COL25A1: variants seen among roughly 807,000 people sequenced by gnomAD.
The protein encoded by COL25A1 is collagen type XXV alpha 1 chain.
In COL25A1, 103 loss-of-function variants were observed where a neutral mutation model predicts 128.4. The ratio of observed to expected loss-of-function variants is 0.80; its 90% CI spans 0.68 to 0.94. The LOEUF is 0.94. COL25A1 is among the 40% of genes least tolerant of loss of function. The probability of loss-of-function intolerance (pLI) is 0.00; values close to 1 mark genes in which losing one functional copy is unlikely to be tolerated. For synonymous variants in COL25A1, 279 were observed against 277.2 expected (o/e 1.01, Z -0.06); for missense variants, 745 against 840.0 (o/e 0.89, Z 1.40).
intron 5 of COL25A1, among the ~76,000 whole-genome samples, chr4:109,019,375 C>CACATATAT (rs1338511772): frequency 1.0e-4 from 5 of 48,882 alleles, no homozygotes; most frequent in Admixed American, 4.6e-4. Flanking sequence ...CACACACACA[C>CACATATAT]ATATATATAT....
intron 35 of COL25A1, 67 bp from the exon 36 acceptor site, chr4:108,819,396 A>G: frequency 3.9e-6 from 5 of 1,286,752 alleles, no homozygotes; most frequent in Admixed American, 1.9e-5. Flanking sequence ...ATTCTGCGAA[A>G]GAAGTAACTA....
chr4:108,827,041 A>G, intron 33 of COL25A1, 94 bp downstream of exon 33: 3 of 1,045,952 alleles, frequency 2.9e-6, no homozygotes, highest in Non-Finnish European at 1.5e-6. Flanking sequence ...CTTCTCTAAC[A>G]TTAGTCTGCC....
intron 3 of COL25A1, among the ~76,000 whole-genome samples, chr4:109,182,197 T>C (rs976806084): frequency 6.6e-6 from 1 of 152,132 alleles, no homozygotes; most frequent in African/African-American, 2.4e-5. Context: ...TGATTTTCTT[T>C]CCTTTGGTGT....
chr4:109,253,282 G>A (rs1780786316), intron 3 of COL25A1, among the ~76,000 whole-genome samples: 1 of 152,166 alleles, frequency 6.6e-6, no homozygotes, highest in Non-Finnish European at 1.5e-5. Context: ...AAGATCTTCA[G>A]CCAGCAAGGT....
intron 5 of COL25A1, among the ~76,000 whole-genome samples, chr4:109,044,445 G>A (rs1760227231): frequency 6.6e-6 from 1 of 150,654 alleles, no homozygotes; most frequent in African/African-American, 2.4e-5. Flanking sequence ...TTATCCCCTG[G>A]GCCATCTAAT....
At chr4:108,836,795 C>T (rs150429330) in intron 31 of COL25A1, among the ~76,000 whole-genome samples, 185 of 152,120 alleles carry the variant, frequency 1.2e-3, no homozygotes, top group African/African-American at 4.3e-3. Context: ...AACCTATATT[C>T]TAGGCTGGGC....
chr4:109,249,579 G>T (rs1373127916), intron 3 of COL25A1, among the ~76,000 whole-genome samples: 1 of 151,452 alleles, frequency 6.6e-6, no homozygotes, highest in Admixed American at 6.5e-5. Context: ...CAATAAGACC[G>T]AACATAGCAC....
chr4:109,048,209 G>A (rs1760633670), intron 4 of COL25A1, 34 bp from the exon 5 acceptor site: 1 of 1,601,042 alleles, frequency 6.2e-7, no homozygotes, highest in Non-Finnish European at 8.6e-7. Context: ...AGAAGAGAGA[G>A]AGAGGAGTTA....
intron 3 of COL25A1, among the ~76,000 whole-genome samples, chr4:109,057,371 G>A (rs946325008): frequency 7.1e-6 from 1 of 141,358 alleles, no homozygotes; most frequent in Admixed American, 7.3e-5. Flanking sequence ...GAGTCCAAGC[G>A]ATTCTCCTAC....
chr4:108,870,082 C>T (rs1414114520), intron 19 of COL25A1, among the ~76,000 whole-genome samples: 3 of 151,856 alleles, frequency 2.0e-5, no homozygotes, highest in Non-Finnish European at 4.4e-5. Context: ...GGGAGACCCC[C>T]GTTCTGTACA....
At chr4:108,924,536 C>T (rs1022600798) in intron 11 of COL25A1, among the ~76,000 whole-genome samples, 1 of 152,122 alleles carries the variant, frequency 6.6e-6, no homozygotes, top group Admixed American at 6.6e-5. Flanking sequence ...TACTTCAGTC[C>T]ATCAGATACT....
chr4:109,271,792 T>C (rs180911583), intron 3 of COL25A1, among the ~76,000 whole-genome samples: 1 of 152,300 alleles, frequency 6.6e-6, no homozygotes, highest in East Asian at 1.9e-4. Context: ...AGGAAAAAAG[T>C]GTATAATTTT....
chr4:108,819,404 C>G, intron 35 of COL25A1, 75 bp from the exon 36 acceptor site: 1 of 1,229,278 alleles, frequency 8.1e-7, no homozygotes, highest in Non-Finnish European at 1.2e-6. Flanking sequence ...AAAGAAGTAA[C>G]TACAACAACA....
In COL25A1 at chr4:109,162,089, T is replaced by C. The variant is rs140416916; in HGVS notation, c.368-111910A>G. On this transcript the variant is annotated intron_variant, in intron 3 of 37. Transcript: ENST00000399132. ...ACATGAGGACATTTTTAAGATAATA[T>C]AGAATTCAATTCAAATTAGTGTAAT... Among the ~76,000 whole-genome samples, 37 of 152,230 alleles carry C rather than the reference T, an allele frequency of 2.4e-4. No individual in the cohort carries two copies. In the East Asian group the frequency reaches 6.7e-3, roughly 28 times the overall value.
intron 3 of COL25A1, among the ~76,000 whole-genome samples, chr4:109,111,397 G>C (rs576892469): frequency 2.3e-4 from 35 of 152,266 alleles, no homozygotes; most frequent in South Asian, 6.2e-4. Context: ...TATATCTATG[G>C]TGGATTCTTT....
At chr4:109,191,973 G>A (rs1423443084) in intron 3 of COL25A1, among the ~76,000 whole-genome samples, 1 of 152,170 alleles carries the variant, frequency 6.6e-6, no homozygotes, top group Non-Finnish European at 1.5e-5. Flanking sequence ...CAGGAATAGT[G>A]GTCAAAGGGA....
chr4:109,134,062 A>G (rs1769469939), intron 3 of COL25A1, among the ~76,000 whole-genome samples: 1 of 152,158 alleles, frequency 6.6e-6, no homozygotes, highest in African/African-American at 2.4e-5. Flanking sequence ...AGAATCAAAG[A>G]AAATACCTCA....
chr4:109,140,866 G>A (rs2262657), intron 3 of COL25A1, among the ~76,000 whole-genome samples: 94,305 of 151,944 alleles, frequency 0.62, 29,855 homozygotes, highest in East Asian at 0.75. Flanking sequence ...ATATGCAATC[G>A]TGTCATCTGC....
At chr4:109,014,819 A>G (rs1233884382) in intron 5 of COL25A1, among the ~76,000 whole-genome samples, 1 of 152,238 alleles carries the variant, frequency 6.6e-6, no homozygotes, top group Non-Finnish European at 1.5e-5. Context: ...CTTCCCAGAG[A>G]AACAAAGCAT....
Sources: allele counts gnomAD v4.1 joint callset (sites outside exome capture counted in the v4.1 genomes callset), GRCh38; gene constraint gnomAD v4.1.1; transcripts MANE v1.5; gene names NCBI Gene and HGNC (gene_info 2026-07-23, HGNC 2026-07-21).